The following DPYD variants were observed in gnomAD, a reference collection of about 807,000 sequenced individuals.
The protein encoded by DPYD is dihydropyrimidine dehydrogenase.
DPYD carries 109 observed loss-of-function variants against 116.2 expected under a neutral mutation model. The observed-to-expected ratio is 0.94, with a 90% CI of 0.80 to 1.10. The LOEUF is 1.10. Among genes scored for constraint, DPYD ranks in the 50% least tolerant of loss-of-function variants. The pLI is 0.00. For missense variants in DPYD, 1,302 were observed against 1,254.5 expected, an observed-to-expected ratio of 1.04 and a Z score of -0.57; for synonymous variants, 440 against 432.0, an observed-to-expected ratio of 1.02 and a Z score of -0.23.
At chr1:97,672,824 A>G (rs1659941245) in intron 8 of DPYD, among the ~76,000 whole-genome samples, 1 of 152,212 alleles carries the variant, frequency 6.6e-6, no homozygotes, top group South Asian at 2.1e-4. Context: ...AGCAAATTTA[A>G]TACCACAATC....
intron 8 of DPYD, among the ~76,000 whole-genome samples, chr1:97,606,522 G>A (rs953275340): frequency 6.6e-6 from 1 of 151,778 alleles, no homozygotes; most frequent in African/African-American, 2.4e-5. Context: ...ATATACAAGG[G>A]CATGATGGGG....
chr1:97,721,799 G>T, intron 4 of DPYD, 128 bp from the exon 5 acceptor site: 1 of 841,122 alleles, frequency 1.2e-6, no homozygotes, highest in Non-Finnish European at 1.9e-6. Flanking sequence ...AGATGCATAG[G>T]TTTCAATACT....
At chr1:97,605,459 C>A in intron 8 of DPYD, among the ~76,000 whole-genome samples, 1 of 151,940 alleles carries the variant, frequency 6.6e-6, no homozygotes, top group Non-Finnish European at 1.5e-5. Context: ...GCACTCACTC[C>A]GTCCTGCTAC....
intron 4 of DPYD, among the ~76,000 whole-genome samples, chr1:97,727,685 A>G (rs558041269): frequency 2.0e-5 from 3 of 151,942 alleles, no homozygotes; most frequent in Admixed American, 6.6e-5. Flanking sequence ...TATCTATTAC[A>G]AATAACTTTG....
At chr1:97,806,566 A>G (rs1160763267) in intron 3 of DPYD, among the ~76,000 whole-genome samples, 1 of 151,844 alleles carries the variant, frequency 6.6e-6, no homozygotes, top group Admixed American at 6.6e-5. Flanking sequence ...CAGAGTTCCC[A>G]TATTTCTGCT....
chr1:97,682,534 G>C, intron 7 of DPYD, among the ~76,000 whole-genome samples: 1 of 152,050 alleles, frequency 6.6e-6, no homozygotes, highest in East Asian at 1.9e-4. Context: ...AAGATTCCTT[G>C]ACAACAAAAG....
intron 5 of DPYD, among the ~76,000 whole-genome samples, chr1:97,710,884 G>A (rs1030862078): frequency 6.6e-6 from 1 of 151,722 alleles, no homozygotes; most frequent in African/African-American, 2.4e-5. Flanking sequence ...CCACCTGAAA[G>A]AGAAATTGAC....
chr1:97,902,319 T>C (rs1170394917), intron 1 of DPYD, among the ~76,000 whole-genome samples: 1 of 151,714 alleles, frequency 6.6e-6, no homozygotes, highest in Non-Finnish European at 1.5e-5. Context: ...CCTGAATACT[T>C]TGAATTATCC....
In DPYD at chr1:97,572,821, G is replaced by C. The variant is rs1276842233; in HGVS notation, c.1339+939C>G. Among the ~76,000 whole-genome samples, 3 of 151,870 alleles carry C rather than the reference G, an allele frequency of 2.0e-5. No individual in the cohort carries two copies. The East Asian group carries it at 5.8e-4, about 29-fold the overall frequency. ...CTGCAGATAAAATATCTGATGACTAGTTGAATCCTTTACTTATCTGTGGCA... is the reference window on the plus strand; with the variant it reads ...CTGCAGATAAAATATCTGATGACTACTTGAATCCTTTACTTATCTGTGGCA... On this transcript the variant is annotated intron_variant, in intron 11 of 22. Coordinates refer to ENST00000370192, the MANE Select transcript of DPYD (RefSeq NM_000110.4).
At chr1:97,634,183 G>A (rs190183911) in intron 8 of DPYD, among the ~76,000 whole-genome samples, 11 of 152,238 alleles carry the variant, frequency 7.2e-5, no homozygotes, top group African/African-American at 2.2e-4. Context: ...GTTTATAGAT[G>A]AGGAGAGAGA....
At chr1:97,432,334 C>T (rs1675228880) in intron 14 of DPYD, among the ~76,000 whole-genome samples, 1 of 152,144 alleles carries the variant, frequency 6.6e-6, no homozygotes, top group Admixed American at 6.6e-5. Flanking sequence ...TCTTCAACTT[C>T]ACTGATTCCT....
At chr1:97,886,474 C>T (rs1157525205) in intron 1 of DPYD, among the ~76,000 whole-genome samples, 1 of 152,064 alleles carries the variant, frequency 6.6e-6, no homozygotes, top group African/African-American at 2.4e-5. Context: ...TTATCCTTGC[C>T]TCACCTCACT....
At chr1:97,750,399 C>A (rs1233292629) in intron 3 of DPYD, among the ~76,000 whole-genome samples, 1 of 151,950 alleles carries the variant, frequency 6.6e-6, no homozygotes, top group Non-Finnish European at 1.5e-5. Flanking sequence ...ATGAAAAAAA[C>A]AGTATGTAGA....
intron 14 of DPYD, among the ~76,000 whole-genome samples, chr1:97,383,816 A>G (rs182612678): frequency 6.6e-5 from 10 of 152,270 alleles, no homozygotes; most frequent in Non-Finnish European, 1.5e-4. Context: ...TTTAAAGACT[A>G]TGAGATTGAG....
chr1:97,350,658 T>C (rs1570574475), intron 16 of DPYD, among the ~76,000 whole-genome samples: 1 of 152,284 alleles, frequency 6.6e-6, no homozygotes, highest in East Asian at 1.9e-4. Flanking sequence ...GAGTTTCAAT[T>C]ATTAATAATG....
At chr1:97,382,879 G>A (rs1489470534) in intron 14 of DPYD, among the ~76,000 whole-genome samples, 1 of 146,750 alleles carries the variant, frequency 6.8e-6, no homozygotes, top group Non-Finnish European at 1.5e-5. Flanking sequence ...AAGGTTTTAA[G>A]TGATGGAAAA....
chr1:97,551,447 A>T (rs1338475432), intron 11 of DPYD, among the ~76,000 whole-genome samples: 1 of 152,130 alleles, frequency 6.6e-6, no homozygotes, highest in Non-Finnish European at 1.5e-5. Context: ...TGATATATGT[A>T]ATGAGCTTTA....
chr1:97,130,278 C>T (rs1653177288), intron 20 of DPYD, among the ~76,000 whole-genome samples: 1 of 152,130 alleles, frequency 6.6e-6, no homozygotes, highest in Admixed American at 6.6e-5. Flanking sequence ...GTATAAAATG[C>T]TACATTATGG....
chr1:97,831,401 G>A (rs927735627), intron 2 of DPYD, among the ~76,000 whole-genome samples: 2 of 152,088 alleles, frequency 1.3e-5, no homozygotes. Flanking sequence ...TGAGCCAGCG[G>A]CCTCCAATCA....
Sources: allele counts gnomAD v4.1 joint callset (sites outside exome capture counted in the v4.1 genomes callset), GRCh38; gene constraint gnomAD v4.1.1; transcripts MANE v1.5; gene names NCBI Gene and HGNC (gene_info 2026-07-23, HGNC 2026-07-21).